The following DPP10 variants were observed in gnomAD, a reference collection of about 807,000 sequenced individuals.
DPP10 encodes the protein inactive dipeptidyl peptidase 10.
Under a neutral mutation model 120.9 loss-of-function variants are expected in DPP10, and 33 were observed. That is an observed-to-expected ratio of 0.27 (90% CI 0.21 to 0.37). The LOEUF is 0.37. Among genes scored for constraint, DPP10 ranks in the 10% least tolerant of loss-of-function variants. The pLI, the probability that DPP10 is intolerant of heterozygous loss-of-function variation, is 1.00. For synonymous variants in DPP10, 337 were observed against 326.1 expected (o/e 1.03, Z -0.36); for missense variants, 816 against 942.8 (o/e 0.87, Z 1.76).
At chr2:114,489,589 T>C (rs1029777776) in intron 1 of DPP10, among the ~76,000 whole-genome samples, 6 of 152,234 alleles carry the variant, frequency 3.9e-5, no homozygotes, top group African/African-American at 1.4e-4. Flanking sequence ...CGACAATCAG[T>C]GCTCAACACA....
chr2:114,676,925 C>T (rs1204602826), intron 1 of DPP10, among the ~76,000 whole-genome samples: 1 of 151,982 alleles, frequency 6.6e-6, no homozygotes, highest in African/African-American at 2.4e-5. Context: ...GGACAGAGCA[C>T]TTTAAACATC....
At chr2:115,833,102 C>G (rs1689100782) in intron 21 of DPP10, among the ~76,000 whole-genome samples, 1 of 151,948 alleles carries the variant, frequency 6.6e-6, no homozygotes, top group Non-Finnish European at 1.5e-5. Flanking sequence ...TTCCTGATTC[C>G]TAGAGATAAT....
intron 1 of DPP10, among the ~76,000 whole-genome samples, chr2:114,994,989 G>C (rs141306287): frequency 1.3e-5 from 2 of 152,102 alleles, no homozygotes; most frequent in Non-Finnish European, 2.9e-5. Flanking sequence ...GTTCCTTCAC[G>C]GTGTCTGGCC....
At chr2:115,738,066 A>G (rs1249417520) in intron 8 of DPP10, among the ~76,000 whole-genome samples, 1 of 152,214 alleles carries the variant, frequency 6.6e-6, no homozygotes, top group Admixed American at 6.5e-5. Context: ...AGATTGGCCA[A>G]GAAATCATAA....
At chr2:115,770,619 C>A (rs1681345884) in intron 13 of DPP10, among the ~76,000 whole-genome samples, 1 of 152,176 alleles carries the variant, frequency 6.6e-6, no homozygotes. Flanking sequence ...TGAACACACA[C>A]AAACACAATC....
chr2:115,384,055 G>A (rs1436187455), intron 3 of DPP10, among the ~76,000 whole-genome samples: 1 of 152,186 alleles, frequency 6.6e-6, no homozygotes, highest in Non-Finnish European at 1.5e-5. Flanking sequence ...CCCAAAGTAT[G>A]TTGCTTTGGC....
chr2:114,829,534 AT>A lies in DPP10; in HGVS notation c.60+386710del, dbSNP rs539035964. Among the ~76,000 whole-genome samples, 225 of 138,432 alleles carry A rather than the reference AT, an allele frequency of 1.6e-3. 1 individual carries two copies. The Middle Eastern group carries it at 0.028, about 17-fold the overall frequency. The allele number at this position is 138,432 out of a possible 152,430, so 90.8% of individuals were successfully genotyped here. On this transcript the variant is annotated intron_variant, in intron 1 of 25. Coordinates refer to ENST00000410059, the MANE Select transcript of DPP10 (RefSeq NM_020868.6). Reference sequence around the variant, plus strand: ...AGGCGCCTGCCACTACACTCAGCTAATTTTTTTTTTTTTTGTATTTTTGGTA... The same window carrying A: ...AGGCGCCTGCCACTACACTCAGCTAATTTTTTTTTTTTTGTATTTTTGGTA...
At chr2:115,784,388 C>T (rs968106012) in intron 17 of DPP10, among the ~76,000 whole-genome samples, 1 of 152,000 alleles carries the variant, frequency 6.6e-6, no homozygotes, top group Non-Finnish European at 1.5e-5. Context: ...CCTTTAAACC[C>T]ACTAGTTATC....
intron 5 of DPP10, among the ~76,000 whole-genome samples, chr2:115,529,054 A>G (rs763906476): frequency 1.3e-5 from 2 of 152,118 alleles, no homozygotes; most frequent in Non-Finnish European, 2.9e-5. Context: ...AACACCTGTG[A>G]TCTCTCAGTA....
intron 1 of DPP10, among the ~76,000 whole-genome samples, chr2:114,941,320 T>C (rs1482487742): frequency 6.6e-6 from 1 of 152,188 alleles, no homozygotes. Context: ...ATTTAGGGAC[T>C]CAGTTCCTGT....
chr2:114,445,534 CTGTGTGTGTGTGTGTG>C (rs145248880), intron 1 of DPP10, among the ~76,000 whole-genome samples: 172 of 143,620 alleles, frequency 1.2e-3, no homozygotes, highest in African/African-American at 3.3e-3. Flanking sequence ...AAAAACAGCT[CTGTGTGTGTGTGTGTG>C]TGTGTGTGTG....
At chr2:115,034,055 G>A (rs1239753653) in intron 1 of DPP10, among the ~76,000 whole-genome samples, 1 of 151,562 alleles carries the variant, frequency 6.6e-6, no homozygotes, top group Admixed American at 6.6e-5. Flanking sequence ...GTACCACCAA[G>A]CCCAGCTAAT....
intron 1 of DPP10, among the ~76,000 whole-genome samples, chr2:115,193,776 C>A (rs1283523021): frequency 6.6e-6 from 1 of 152,184 alleles, no homozygotes; most frequent in Admixed American, 6.5e-5. Context: ...TCTATTTCTA[C>A]AAGAGTTTCT....
chr2:114,893,902 G>A (rs979032611), intron 1 of DPP10, among the ~76,000 whole-genome samples: 1 of 152,028 alleles, frequency 6.6e-6, no homozygotes, highest in Non-Finnish European at 1.5e-5. Context: ...AATTAACTGT[G>A]GTCCTATCTT....
intron 1 of DPP10, among the ~76,000 whole-genome samples, chr2:114,452,420 G>A (rs1446247453): frequency 6.6e-6 from 1 of 152,130 alleles, no homozygotes; most frequent in Non-Finnish European, 1.5e-5. Context: ...AAAAATTAAA[G>A]TGCATTTGAT....
At chr2:115,237,383 C>T (rs1450931373) in intron 1 of DPP10, among the ~76,000 whole-genome samples, 1 of 152,112 alleles carries the variant, frequency 6.6e-6, no homozygotes, top group African/African-American at 2.4e-5. Context: ...TCTGGCTGCT[C>T]CACCGACTAG....
At chr2:114,443,909 C>T (rs1677799571) in intron 1 of DPP10, among the ~76,000 whole-genome samples, 1 of 152,118 alleles carries the variant, frequency 6.6e-6, no homozygotes, top group African/African-American at 2.4e-5. Flanking sequence ...TAATTTTCAA[C>T]AATGTCTCTT....
At chr2:115,555,704 GC>G (rs1457136090) in intron 5 of DPP10, among the ~76,000 whole-genome samples, 5 of 152,018 alleles carry the variant, frequency 3.3e-5, no homozygotes, top group Non-Finnish European at 7.4e-5. Context: ...TTTTGGTGTG[GC>G]ATATTTGGTC....
intron 1 of DPP10, among the ~76,000 whole-genome samples, chr2:115,130,544 T>TCCATC (rs1407615481): frequency 6.1e-5 from 8 of 130,720 alleles, no homozygotes; most frequent in Admixed American, 4.3e-4. Flanking sequence ...ATCCATCCAT[T>TCCATC]CATCTTCAGC....
Sources: allele counts gnomAD v4.1 joint callset (sites outside exome capture counted in the v4.1 genomes callset), GRCh38; gene constraint gnomAD v4.1.1; transcripts MANE v1.5; gene names NCBI Gene and HGNC (gene_info 2026-07-23, HGNC 2026-07-21).